Variants in ZNF521 observed in about 807,000 individuals in gnomAD.
The protein encoded by ZNF521 is zinc finger protein 521.
A neutral mutation model predicts 105.5 loss-of-function variants in ZNF521; 14 were observed. The ratio of observed to expected loss-of-function variants is 0.13; its 90% CI spans 0.09 to 0.21. The LOEUF (loss-of-function observed/expected upper bound fraction) is 0.21. Among genes scored for constraint, ZNF521 ranks in the 10% least tolerant of loss-of-function variants. The probability of loss-of-function intolerance (pLI) is 1.00; values close to 1 mark genes in which losing one functional copy is unlikely to be tolerated. For synonymous variants in ZNF521, 635 were observed against 606.0 expected (o/e 1.05, Z -0.70); for missense variants, 1,233 against 1,629.7 (o/e 0.76, Z 4.19).
chr18:25,202,791 G>C (rs1232299636), intron 4 of ZNF521: 1 of 152,116 alleles, frequency 6.6e-6, no homozygotes, highest in Non-Finnish European at 1.5e-5. Context: ...ATTTAGCCTA[G>C]TCATTTTCTA....
intron 3 of ZNF521, among the ~76,000 whole-genome samples, chr18:25,308,661 C>G (rs990711699): frequency 2.8e-5 from 4 of 142,878 alleles, no homozygotes; most frequent in Admixed American, 7.0e-5. Context: ...CCCCCCCCCC[C>G]ACCCGCCACA....
intron 5 of ZNF521, among the ~76,000 whole-genome samples, chr18:25,155,034 T>C (rs1227562983): frequency 6.6e-6 from 1 of 152,168 alleles, no homozygotes; most frequent in Non-Finnish European, 1.5e-5. Flanking sequence ...CTTTTCTCCA[T>C]ACCCTCATCA....
chr18:25,317,261 T>G (rs1173512622), intron 3 of ZNF521, among the ~76,000 whole-genome samples: 1 of 151,870 alleles, frequency 6.6e-6, no homozygotes, highest in African/African-American at 2.4e-5. Context: ...TTTTACCAGT[T>G]TTTTAAAAAA....
At chr18:25,247,852 T>A (rs564985555) in intron 3 of ZNF521, among the ~76,000 whole-genome samples, 1 of 152,094 alleles carries the variant, frequency 6.6e-6, no homozygotes, top group East Asian at 1.9e-4. Flanking sequence ...TGAAGGAGTA[T>A]CCCAGTGACA....
At chr18:25,344,441 C>T (rs1435128149) in intron 2 of ZNF521, among the ~76,000 whole-genome samples, 1 of 152,154 alleles carries the variant, frequency 6.6e-6, no homozygotes, top group African/African-American at 2.4e-5. Context: ...AGTACGCTTT[C>T]ACTACAACAA....
At chr18:25,110,802 C>T (rs149377323) in intron 5 of ZNF521, among the ~76,000 whole-genome samples, 1,775 of 151,866 alleles carry the variant, frequency 0.012, 36 homozygotes, top group African/African-American at 0.041. Flanking sequence ...GCTCTGTCAC[C>T]CAGGCTGGAG....
intron 5 of ZNF521, among the ~76,000 whole-genome samples, chr18:25,169,296 T>C (rs1380103966): frequency 2.0e-5 from 3 of 152,196 alleles, no homozygotes; most frequent in Non-Finnish European, 2.9e-5. Context: ...TTGATCTTCA[T>C]GAGAGTTGCA....
chr18:25,151,809 A>C (rs185737865), intron 5 of ZNF521, among the ~76,000 whole-genome samples: 48 of 152,318 alleles, frequency 3.2e-4, no homozygotes, highest in Non-Finnish European at 4.7e-4. Flanking sequence ...AAAGCCCCCC[A>C]AAAATAAGCT....
intron 4 of ZNF521, among the ~76,000 whole-genome samples, chr18:25,199,501 T>C (rs1445027760): frequency 6.6e-6 from 1 of 151,914 alleles, no homozygotes; most frequent in African/African-American, 2.4e-5. Context: ...ATAATGGTAT[T>C]GGGGTCATGT....
chr18:25,112,575 G>T (rs544141705), intron 5 of ZNF521, among the ~76,000 whole-genome samples: 1 of 152,078 alleles, frequency 6.6e-6, no homozygotes, highest in Admixed American at 6.6e-5. Flanking sequence ...CCCATCCAGC[G>T]CATCTTGCCA....
At chr18:25,071,950 G>A (rs926780585) in intron 7 of ZNF521, among the ~76,000 whole-genome samples, 4 of 152,168 alleles carry the variant, frequency 2.6e-5, no homozygotes, top group African/African-American at 9.7e-5. Context: ...AGAGGGAAGA[G>A]CAGCAGCAAA....
intron 3 of ZNF521, among the ~76,000 whole-genome samples, chr18:25,314,678 C>T (rs1912506231): frequency 6.6e-6 from 1 of 152,208 alleles, no homozygotes; most frequent in Non-Finnish European, 1.5e-5. Flanking sequence ...TTTCTACACA[C>T]TCATCTACCA....
At chr18:25,331,860 T>C (rs1228332847) in intron 2 of ZNF521, among the ~76,000 whole-genome samples, 1 of 151,446 alleles carries the variant, frequency 6.6e-6, no homozygotes, top group African/African-American at 2.4e-5. Context: ...ATCATTCAAT[T>C]CTCTTTACTA....
intron 7 of ZNF521, among the ~76,000 whole-genome samples, chr18:25,072,302 T>C (rs936756139): frequency 3.9e-5 from 6 of 152,178 alleles, no homozygotes; most frequent in African/African-American, 1.4e-4. Context: ...ATTTTGGAGA[T>C]ATAAAACAAG....
chr18:25,303,820 A>T (rs946388157), intron 3 of ZNF521, among the ~76,000 whole-genome samples: 1 of 152,138 alleles, frequency 6.6e-6, no homozygotes, highest in Non-Finnish European at 1.5e-5. Context: ...CAACACAAAG[A>T]TATTTGGTTA....
chr18:25,195,358 C>T, intron 4 of ZNF521, 114 bp from the exon 5 acceptor site: 4 of 825,226 alleles, frequency 4.8e-6, no homozygotes, highest in Non-Finnish European at 5.5e-6. Flanking sequence ...AAGGAACAAA[C>T]TAAACTACAG....
At chr18:25,119,336 G>A (rs1381797554) in intron 5 of ZNF521, among the ~76,000 whole-genome samples, 1 of 152,028 alleles carries the variant, frequency 6.6e-6, no homozygotes, top group African/African-American at 2.4e-5. Flanking sequence ...GATAGCTACA[G>A]AACATTATAC....
At chr18:25,088,292 C>T (rs370765288) in intron 7 of ZNF521, among the ~76,000 whole-genome samples, 42 of 151,600 alleles carry the variant, frequency 2.8e-4, no homozygotes, top group South Asian at 1.5e-3. Context: ...CTCGGCTCAC[C>T]GCAAGCTCCG....
intron 7 of ZNF521, among the ~76,000 whole-genome samples, chr18:25,084,171 A>AAGATAATCTTTG (rs1179829113): frequency 6.6e-6 from 1 of 151,226 alleles, no homozygotes. Flanking sequence ...TCTGACTATT[A>AAGATAATCTTTG]ACAAGGACTC....
Sources: allele counts gnomAD v4.1 joint callset (sites outside exome capture counted in the v4.1 genomes callset), GRCh38; gene constraint gnomAD v4.1.1; transcripts MANE v1.5; gene names NCBI Gene and HGNC (gene_info 2026-07-23, HGNC 2026-07-21).